Variants in GPR158 observed in about 807,000 individuals in gnomAD.
GPR158 encodes G protein-coupled receptor 158.
A neutral mutation model predicts 78.2 loss-of-function variants in GPR158; 30 were observed. The ratio of observed to expected loss-of-function variants is 0.38; its 90% confidence interval spans 0.29 to 0.52. The LOEUF (loss-of-function observed/expected upper bound fraction) is 0.52. Among genes scored for constraint, GPR158 ranks in the 20% least tolerant of loss-of-function variants. GPR158 has a pLI of 0.83. For missense variants in GPR158, 1,463 were observed against 1,523.5 expected, an observed-to-expected ratio of 0.96 and a Z score of 0.66; for synonymous variants, 581 against 591.1, an observed-to-expected ratio of 0.98 and a Z score of 0.25.
At chr10:25,395,169 C>T (rs1165394518) in intron 2 of GPR158, among the ~76,000 whole-genome samples, 1 of 152,024 alleles carries the variant, frequency 6.6e-6, no homozygotes, top group East Asian at 1.9e-4. Context: ...ATATCTTTTG[C>T]TTGCTAGGTT....
In GPR158 at chr10:25,572,737, T is replaced by C; in HGVS notation, c.1603T>C (p.Leu535=). 1 of 1,613,840 alleles carries C rather than the reference T, an allele frequency of 6.2e-7. No homozygotes were observed. Among genetic ancestry groups the C allele is most frequent in the Non-Finnish European group, 8.5e-7 (1 of 1,179,716 alleles). The change falls in exon 7 of 11, where the codon TTG becomes CTG. Residue 535 remains leucine (L), a synonymous_variant. Transcript: ENST00000376351. ...CATGAGGATGCTGGCAGTAATACTC[T>C]TGGTAGTGTTTTGGTTTCTCATTGG... ...RVMRMLAVIL[L]VVFWFLIGWT... is the part of the protein sequence containing the mutation.
chr10:25,585,346 G>A (rs139062950), intron 7 of GPR158, among the ~76,000 whole-genome samples: 7 of 152,292 alleles, frequency 4.6e-5, no homozygotes, highest in African/African-American at 1.7e-4. Flanking sequence ...TACCACCTAT[G>A]TGGGCAAAGG....
intron 5 of GPR158, among the ~76,000 whole-genome samples, chr10:25,475,151 CA>C (rs2130628910): frequency 6.6e-6 from 1 of 152,058 alleles, no homozygotes; most frequent in Non-Finnish European, 1.5e-5. Flanking sequence ...GACTGAGATT[CA>C]ATTTTAAAAG....
intron 1 of GPR158, among the ~76,000 whole-genome samples, chr10:25,218,029 GTCTGCGA>G (rs1350894582): frequency 6.6e-6 from 1 of 152,110 alleles, no homozygotes; most frequent in Non-Finnish European, 1.5e-5. Flanking sequence ...ACCTTGCCTG[GTCTGCGA>G]TGGGACACGT....
intron 1 of GPR158, among the ~76,000 whole-genome samples, chr10:25,216,245 A>G (rs1421021047): frequency 6.6e-6 from 1 of 152,242 alleles, no homozygotes; most frequent in Non-Finnish European, 1.5e-5. Context: ...ACCTGTTTTC[A>G]TCAATCAATT....
At chr10:25,242,862 C>A (rs1853644792) in intron 2 of GPR158, among the ~76,000 whole-genome samples, 1 of 152,138 alleles carries the variant, frequency 6.6e-6, no homozygotes, top group Non-Finnish European at 1.5e-5. Context: ...TGTTTTAGGT[C>A]TGCACATTTT....
At chr10:25,589,241 T>A (rs1837309893) in intron 8 of GPR158, 96 bp downstream of exon 8, 1 of 768,134 alleles carries the variant, frequency 1.3e-6, no homozygotes, top group East Asian at 2.7e-5. Flanking sequence ...ATAGAAAGAC[T>A]TAGCAAAGAT....
intron 5 of GPR158, among the ~76,000 whole-genome samples, chr10:25,486,273 A>G (rs985555840): frequency 6.6e-6 from 1 of 152,118 alleles, no homozygotes; most frequent in Non-Finnish European, 1.5e-5. Context: ...TGTACCCAGT[A>G]TCTACTTTAA....
At chr10:25,491,059 CAAAT>C (rs1219816570) in intron 5 of GPR158, among the ~76,000 whole-genome samples, 1 of 151,872 alleles carries the variant, frequency 6.6e-6, no homozygotes, top group East Asian at 1.9e-4. Flanking sequence ...CCTTGGAAAC[CAAAT>C]AAAAGCATGA....
At chr10:25,558,658 A>G (rs1836819749) in intron 6 of GPR158, among the ~76,000 whole-genome samples, 1 of 152,200 alleles carries the variant, frequency 6.6e-6, no homozygotes, top group African/African-American at 2.4e-5. Context: ...CCCCTCACCC[A>G]GCATTTGTAC....
chr10:25,586,077 G>A (rs779301412), intron 7 of GPR158, among the ~76,000 whole-genome samples: 1 of 152,144 alleles, frequency 6.6e-6, no homozygotes, highest in Non-Finnish European at 1.5e-5. Context: ...CTGAGACGTC[G>A]TGTTACATAT....
chr10:25,209,063 C>T (rs1853091769), intron 1 of GPR158, among the ~76,000 whole-genome samples: 3 of 152,040 alleles, frequency 2.0e-5, no homozygotes, highest in African/African-American at 2.4e-5. Flanking sequence ...ACCATATTGG[C>T]CAGGCTAGTC....
chr10:25,433,327 C>T (rs1228046377), intron 4 of GPR158, among the ~76,000 whole-genome samples: 1 of 80,864 alleles, frequency 1.2e-5, no homozygotes, highest in African/African-American at 3.8e-5. Context: ...ATTTTCTCTG[C>T]CTCATTGAAA....
At chr10:25,237,504 A>G (rs1213122942) in intron 2 of GPR158, among the ~76,000 whole-genome samples, 1 of 152,258 alleles carries the variant, frequency 6.6e-6, no homozygotes, top group African/African-American at 2.4e-5. Flanking sequence ...TGCATATGCC[A>G]TAATGACTCA....
At chr10:25,292,290 T>C (rs1330513068) in intron 2 of GPR158, among the ~76,000 whole-genome samples, 3 of 152,124 alleles carry the variant, frequency 2.0e-5, no homozygotes, top group African/African-American at 7.2e-5. Flanking sequence ...ATGAATCAGT[T>C]TTCTATAATG....
At chr10:25,246,800 G>A (rs1466595331) in intron 2 of GPR158, among the ~76,000 whole-genome samples, 2 of 152,132 alleles carry the variant, frequency 1.3e-5, no homozygotes, top group Non-Finnish European at 2.9e-5. Flanking sequence ...TTGATAAGAA[G>A]GATTTTTGGA....
intron 2 of GPR158, among the ~76,000 whole-genome samples, chr10:25,270,587 A>G (rs1215235269): frequency 2.0e-5 from 3 of 152,098 alleles, no homozygotes; most frequent in Admixed American, 6.6e-5. Flanking sequence ...CTCTGCTCCA[A>G]CCGAGTCCTC....
chr10:25,534,863 A>G (rs7084736), intron 5 of GPR158, among the ~76,000 whole-genome samples: 64,783 of 152,020 alleles, frequency 0.43, 13,929 homozygotes, highest in East Asian at 0.56. Context: ...TGTTTAAAAC[A>G]TTACAATAAA....
Position 25,199,798 on chromosome 10 carries a change from G to A in GPR158, c.903-21254G>A, listed in dbSNP as rs143016397. On this transcript the variant is annotated intron_variant, in intron 1 of 10. Coordinates refer to ENST00000376351, the MANE Select transcript of GPR158 (RefSeq NM_020752.3). ...CCATGCAGAACAGTGAGTCAATTAA[G>A]CCTCTTAAAATTGCCCAGTCTTGGG... Among the ~76,000 whole-genome samples the A allele has an allele frequency of 1.8e-4, 28 of 152,218 alleles. No homozygotes were observed. In the East Asian group the frequency reaches 4.6e-3, roughly 25 times the overall value.
Sources: allele counts gnomAD v4.1 joint callset (sites outside exome capture counted in the v4.1 genomes callset), GRCh38; gene constraint gnomAD v4.1.1; transcripts MANE v1.5; gene names NCBI Gene and HGNC (gene_info 2026-07-23, HGNC 2026-07-21).